Variants in RALGAPB observed in about 807,000 individuals in gnomAD.
The protein encoded by RALGAPB is ral GTPase-activating protein subunit beta.
A neutral mutation model predicts 161.1 loss-of-function variants in RALGAPB; 25 were observed. The ratio of observed to expected loss-of-function variants is 0.16; its 90% CI spans 0.11 to 0.22. The LOEUF is 0.22. RALGAPB is among the 10% of genes least tolerant of loss of function. The pLI is 1.00. For synonymous variants in RALGAPB, 629 were observed against 626.1 expected, an observed-to-expected ratio of 1.00 and a Z score of -0.07; for missense variants, 1,391 against 1,815.2, an observed-to-expected ratio of 0.77 and a Z score of 4.25.
chr20:38,526,388 TCCTCTTCCTCCTG>T (rs2086470358), intron 13 of RALGAPB, among the ~76,000 whole-genome samples: 1 of 152,006 alleles, frequency 6.6e-6, no homozygotes, highest in African/African-American at 2.4e-5. Context: ...TCCCGCCTCG[TCCTCTTCCTCCTG>T]CCTCTTCCTC....
chr20:38,546,772 A>G (rs1354643097), intron 19 of RALGAPB: 1 of 241,048 alleles, frequency 4.1e-6, no homozygotes, highest in African/African-American at 2.3e-5. Context: ...CTCACTCCTC[A>G]TGTTCTGTAT....
chr20:38,554,198 A>G, intron 22 of RALGAPB, 122 bp downstream of exon 22: 1 of 897,148 alleles, frequency 1.1e-6, no homozygotes, highest in Non-Finnish European at 1.7e-6. Flanking sequence ...TTAAAATTTT[A>G]GCCTGCATAC....
chr20:38,509,049 G>T, intron 5 of RALGAPB, 28 bp from the exon 6 acceptor site: 2 of 1,607,534 alleles, frequency 1.2e-6, no homozygotes, highest in East Asian at 2.2e-5. Flanking sequence ...TTAAGAAATG[G>T]ACTCAGTGGT....
At chr20:38,484,366 G>T (rs1390683743) in intron 1 of RALGAPB, among the ~76,000 whole-genome samples, 3 of 152,122 alleles carry the variant, frequency 2.0e-5, no homozygotes, top group African/African-American at 7.2e-5. Flanking sequence ...ACAAAGGTGG[G>T]TTGGGGTGAC....
At chr20:38,572,524 T>C (rs991155926) in intron 28 of RALGAPB, among the ~76,000 whole-genome samples, 1 of 152,224 alleles carries the variant, frequency 6.6e-6, no homozygotes, top group Non-Finnish European at 1.5e-5. Context: ...ACCCTGAAAC[T>C]TGATATTTTA....
At chr20:38,517,023 A>G (rs1354285553) in intron 7 of RALGAPB, among the ~76,000 whole-genome samples, 1 of 152,210 alleles carries the variant, frequency 6.6e-6, no homozygotes, top group African/African-American at 2.4e-5. Flanking sequence ...TTATTTTCAC[A>G]TATGTTAAAT....
intron 19 of RALGAPB, 147 bp downstream of exon 19, chr20:38,546,577 A>C (rs1042139735): frequency 1.4e-5 from 14 of 1,014,622 alleles, no homozygotes; most frequent in Non-Finnish European, 1.9e-5. Context: ...CACCTGAAAA[A>C]TAGGGGGGCA....
At position 38,490,846 on chromosome 20, in the gene RALGAPB, T is replaced by C. The variant is rs542233551; in HGVS notation, c.187-2084T>C. 5.3e-5 allele frequency among the ~76,000 whole-genome samples: 8 copies of C among 152,270 alleles called. No individual in the cohort carries two copies. In the South Asian group the frequency reaches 1.2e-3, roughly 24 times the overall value. On this transcript the variant is annotated intron_variant, in intron 2 of 29. Coordinates refer to ENST00000262879, the MANE Select transcript of RALGAPB (RefSeq NM_020336.4). ...TTTTGGCAGAGATGGGGTTTTGCCA[T>C]GTTGGCCAGGCTGGTCTCGAACTCC...
chr20:38,564,767 G>C (rs1220694325), intron 24 of RALGAPB, among the ~76,000 whole-genome samples: 2 of 152,154 alleles, frequency 1.3e-5, no homozygotes, highest in East Asian at 3.8e-4. Context: ...GAGCCATAGA[G>C]AGAGACCAGG....
chr20:38,528,216 A>G (rs2086530554), intron 13 of RALGAPB, among the ~76,000 whole-genome samples: 1 of 152,104 alleles, frequency 6.6e-6, no homozygotes, highest in African/African-American at 2.4e-5. Flanking sequence ...GTATTCCATA[A>G]TATTTTCCTT....
Position 38,516,185 on chromosome 20 carries a change from T to C in RALGAPB, c.873-7T>C. 2 of 1,569,480 alleles carry C rather than the reference T, an allele frequency of 1.3e-6. No homozygotes were observed. The highest frequency in any genetic ancestry group is 3.7e-5 in the Admixed American group (2 of 54,090). On this transcript the variant is annotated splice_polypyrimidine_tract_variant and splice_region_variant and intron_variant, in intron 6 of 29. Coordinates refer to ENST00000262879, the MANE Select transcript of RALGAPB (RefSeq NM_020336.4). ...TTTGTGATTAATTCTTTCCTCTCTT[T>C]TAATAGTAATCCTGTGGATTTGAGT...
At chr20:38,482,253 G>A (rs931977813) in intron 1 of RALGAPB, among the ~76,000 whole-genome samples, 4 of 152,064 alleles carry the variant, frequency 2.6e-5, no homozygotes, top group Admixed American at 2.0e-4. Context: ...TGCATGTTGA[G>A]TAGGCTGAGG....
At chr20:38,486,334 CATT>C (rs1173430614) in intron 1 of RALGAPB, among the ~76,000 whole-genome samples, 2 of 152,072 alleles carry the variant, frequency 1.3e-5, no homozygotes, top group Non-Finnish European at 2.9e-5. Flanking sequence ...ATCATTTAAA[CATT>C]AATACATTTA....
chr20:38,503,413 A>G (rs530935551), intron 5 of RALGAPB, among the ~76,000 whole-genome samples: 11 of 152,224 alleles, frequency 7.2e-5, no homozygotes, highest in African/African-American at 2.7e-4. Flanking sequence ...TCCAACCCTA[A>G]TGAATGACTC....
intron 1 of RALGAPB, among the ~76,000 whole-genome samples, chr20:38,481,002 C>G (rs2084951592): frequency 6.6e-6 from 1 of 152,252 alleles, no homozygotes; most frequent in African/African-American, 2.4e-5. Context: ...TCCCAAAGTG[C>G]TGGGATTACA....
chr20:38,565,015 A>G (rs564544151), intron 24 of RALGAPB, among the ~76,000 whole-genome samples: 4 of 147,858 alleles, frequency 2.7e-5, no homozygotes, highest in Non-Finnish European at 6.0e-5. Context: ...CTCTGGCCCA[A>G]CTCCCTTCTG....
intron 1 of RALGAPB, among the ~76,000 whole-genome samples, chr20:38,481,033 G>A (rs2084952309): frequency 6.6e-6 from 1 of 151,954 alleles, no homozygotes; most frequent in African/African-American, 2.4e-5. Context: ...ACTGTACCCG[G>A]CCTCATCTGC....
At position 38,558,348 on chromosome 20, in the gene RALGAPB, A is replaced by G; in HGVS notation, c.3426A>G (p.Ile1142Met). The G allele has an allele frequency of 3.1e-6, 5 of 1,606,714 alleles. No homozygotes were observed. In the South Asian group the frequency reaches 5.6e-5, roughly 18 times the overall value. The change falls in exon 23 of 30, where the codon ATA becomes ATG. Residue 1142 changes from isoleucine to methionine, a missense_variant. This residue lies in a region of RALGAPB where 436 missense variants were observed against 527.0 expected (regional missense o/e 0.83). Transcript: ENST00000262879. Reference protein sequence around the residue: ...PPHLIALDSTIPGFFDDIGYL... With the variant: ...PPHLIALDSTMPGFFDDIGYL... ...ACCTTATTGCACTTGATTCCACGAT[A>G]CCTGGATTTTTTGATGACATTGGGT...
intron 22 of RALGAPB, among the ~76,000 whole-genome samples, chr20:38,556,569 GC>G: frequency 6.6e-6 from 1 of 152,124 alleles, no homozygotes. Flanking sequence ...ATGCAAAAAT[GC>G]CCCATTTACA....
Sources: allele counts gnomAD v4.1 joint callset (sites outside exome capture counted in the v4.1 genomes callset), GRCh38; gene constraint gnomAD v4.1.1; regional missense constraint gnomAD v4.1.1; transcripts MANE v1.5; gene names NCBI Gene and HGNC (gene_info 2026-07-23, HGNC 2026-07-21).